The following MAST1 variants were observed in gnomAD, a reference collection of about 807,000 sequenced individuals.
MAST1 encodes microtubule-associated serine/threonine-protein kinase 1.
MAST1 carries 40 observed loss-of-function variants against 124.6 expected under a neutral mutation model. The ratio of observed to expected loss-of-function variants is 0.32; its 90% confidence interval spans 0.25 to 0.42. The LOEUF (loss-of-function observed/expected upper bound fraction) is 0.42, where lower values mean the gene tolerates loss of function less well. MAST1 is among the 10% of genes least tolerant of loss of function. MAST1 has a pLI of 1.00. For missense variants in MAST1, 1,558 were observed against 2,181.9 expected, an observed-to-expected ratio of 0.71 and a Z score of 5.70; for synonymous variants, 938 against 939.4, an observed-to-expected ratio of 1.00 and a Z score of 0.03.
chr19:12,874,341 A>G lies in MAST1; in HGVS notation c.4184A>G (p.Gln1395Arg), dbSNP rs1173845259. 6.3e-7 allele frequency: 1 copy of G among 1,597,622 alleles called. No homozygotes were observed. The highest frequency in any genetic ancestry group is 8.5e-7 in the Non-Finnish European group (1 of 1,178,470). Residue 1395 changes from glutamine (Q) to arginine (R), a missense_variant, in exon 26 of 26, where the codon CAG (glutamine) becomes CGG (arginine). Coordinates refer to ENST00000251472, the MANE Select transcript of MAST1 (RefSeq NM_014975.3). The surrounding 1 kb of genome is among the most constrained non-coding windows in gnomAD (Gnocchi z 6.6). Reference protein sequence around the residue: ...DVGCTRHQSVQTEDGTGGMAR... With the variant: ...DVGCTRHQSVRTEDGTGGMAR... ...GGCTGCACGCGGCATCAGAGCGTGC[A>G]GACGGAGGATGGCACTGGCGGGATG...
In MAST1 at chr19:12,865,757, G is replaced by T. The variant is rs1166713060; in HGVS notation, c.1845G>T (p.Thr615=). The T allele has an allele frequency of 6.2e-7, 1 of 1,613,784 alleles. No individual in the cohort carries two copies. ...LWPEGDEALP[T]EAQLLISSLL... ...CCGAGGGGGATGAGGCCCTACCTACGGAGGCCCAACTCCTCATATCCAGCC... is the reference window on the plus strand; with the variant it reads ...CCGAGGGGGATGAGGCCCTACCTACTGAGGCCCAACTCCTCATATCCAGCC... Residue 615 remains threonine, a synonymous_variant, in exon 16 of 26, where the codon ACG becomes ACT. Coordinates refer to ENST00000251472, the MANE Select transcript of MAST1 (RefSeq NM_014975.3). The surrounding 1 kb of genome is among the most constrained non-coding windows in gnomAD (Gnocchi z 7.1).
In MAST1 at chr19:12,865,593, G is replaced by C; in HGVS notation, c.1804+112G>C. On this transcript the variant is annotated intron_variant, in intron 15 of 25. Transcript: ENST00000251472. The surrounding 1 kb of genome is among the most constrained non-coding windows in gnomAD (Gnocchi z 7.1). ...CCCCCCAGAGGATCGCTTGCACTCA[G>C]GAGGTCAAGGCTGCAGTGAGCCATG... is the stretch of plus-strand genomic sequence containing the variant. The C allele has an allele frequency of 1.4e-6, 2 of 1,476,918 alleles. No homozygotes were observed. The highest frequency in any genetic ancestry group is 1.8e-6 in the Non-Finnish European group (2 of 1,088,236). 91.5% of individuals were successfully genotyped at this position (1,476,918 alleles called of 1,614,324 possible).
Position 12,852,188 on chromosome 19 carries a change from A to G in MAST1, c.950A>G (p.Lys317Arg), listed in dbSNP as rs544413051. 1.2e-6 allele frequency: 2 copies of G among 1,614,086 alleles called. No individual in the cohort carries two copies. ...CACGCCAAGGAGGGCCACCTTGTGA[A>G]GACGGACATCCCCCGCTACATCATC... ...EGHAKEGHLV[K>R]TDIPRYIIRQ... The change falls in exon 9 of 26, where the codon AAG (lysine) becomes AGG (arginine). Residue 317 changes from lysine to arginine, a missense_variant. This residue lies in a region of MAST1 where 136 missense variants were observed against 160.9 expected (regional missense o/e 0.85). Coordinates refer to ENST00000251472, the MANE Select transcript of MAST1 (RefSeq NM_014975.3).
chr19:12,857,982 G>A (rs1412555077), intron 10 of MAST1, among the ~76,000 whole-genome samples: 1 of 107,276 alleles, frequency 9.3e-6, no homozygotes, highest in East Asian at 3.2e-4. Context: ...ACTCCAGTCT[G>A]AATATCAGAG....
intron 12 of MAST1, among the ~76,000 whole-genome samples, chr19:12,859,516 A>G (rs531336645): frequency 2.1e-4 from 32 of 151,974 alleles, no homozygotes; most frequent in South Asian, 1.0e-3. Context: ...CCTCCCAAAT[A>G]CCTGGGATTA....
At position 12,843,622 on chromosome 19, in the gene MAST1, T is replaced by C; in HGVS notation, c.327+15T>C. On this transcript the variant is annotated intron_variant, in intron 4 of 25. Transcript: ENST00000251472. The surrounding 1 kb of genome is among the most constrained non-coding windows in gnomAD (Gnocchi z 4.9). Reference sequence around the variant, plus strand: ...CCACCGTCTCGGTGAGTGTGGAAAGTAGGTGGGTGGGCCGGTGGGTAAGGA... The same window carrying C: ...CCACCGTCTCGGTGAGTGTGGAAAGCAGGTGGGTGGGCCGGTGGGTAAGGA... The C allele has an allele frequency of 4.3e-6, 7 of 1,610,636 alleles. No homozygotes were observed. Among genetic ancestry groups the C allele is most frequent in the Non-Finnish European group, 5.9e-6 (7 of 1,178,414 alleles).
rs939030451 is a variant in MAST1, at chr19:12,867,716, C to T, written c.2319-14C>T. The T allele has an allele frequency of 5.2e-6, 8 of 1,532,492 alleles. No homozygotes were observed. In the African/African-American group the frequency reaches 8.3e-5, roughly 16 times the overall value. The allele number at this position is 1,532,492 out of a possible 1,614,324, so 94.9% of individuals were successfully genotyped here. Reference sequence around the variant, plus strand: ...AGGGGGCGTGTCTTCCATAACCACGCCCCCTCCATGCAGCAAGCGATTCTC... The same window carrying T: ...AGGGGGCGTGTCTTCCATAACCACGTCCCCTCCATGCAGCAAGCGATTCTC... On this transcript the variant is annotated splice_polypyrimidine_tract_variant and intron_variant, in intron 19 of 25. Coordinates refer to ENST00000251472, the MANE Select transcript of MAST1 (RefSeq NM_014975.3).
intron 12 of MAST1, among the ~76,000 whole-genome samples, chr19:12,861,431 G>A (rs1970081442): frequency 6.6e-6 from 1 of 152,168 alleles, no homozygotes; most frequent in Non-Finnish European, 1.5e-5. Flanking sequence ...CAGGCAGGGA[G>A]CTTCTCAGAG....
At chr19:12,849,103 T>G (rs1969931375) in intron 7 of MAST1, 1 of 152,644 alleles carries the variant, frequency 6.6e-6, no homozygotes, top group African/African-American at 2.4e-5. Flanking sequence ...TCTATCCTTC[T>G]CCAATGTCAG....
Position 12,873,257 on chromosome 19 carries a change from G to T in MAST1, c.3264-67G>T, listed in dbSNP as rs1000101908. 9 of 1,521,160 alleles carry T rather than the reference G, an allele frequency of 5.9e-6. No homozygotes were observed. In the South Asian group the frequency reaches 1.1e-4, roughly 18 times the overall value. 94.2% of individuals were successfully genotyped at this position (1,521,160 alleles called of 1,614,324 possible). A position where few individuals can be genotyped will look rare whatever the true frequency, so the allele number is the denominator to read the frequency against. ...TGGGTGGTTACCGTTGTGAGGCCGT[G>T]AAATGGGAGGAGCCCTGAGCTCTGG... On this transcript the variant is annotated intron_variant, in intron 24 of 25. Transcript: ENST00000251472.
chr19:12,870,968 C>A, intron 23 of MAST1, 22 bp downstream of exon 23: 1 of 1,613,506 alleles, frequency 6.2e-7, no homozygotes. Context: ...GAAGGAGGCA[C>A]CCTGGGCGGA....
At chr19:12,839,089 T>C (rs991488241) in intron 1 of MAST1, among the ~76,000 whole-genome samples, 1 of 145,202 alleles carries the variant, frequency 6.9e-6, no homozygotes, top group African/African-American at 2.6e-5. Context: ...CGGAGGGGCT[T>C]GGGGCTCCCT....
intron 3 of MAST1, among the ~76,000 whole-genome samples, chr19:12,842,106 T>G (rs1247298602): frequency 1.3e-5 from 2 of 152,152 alleles, no homozygotes; most frequent in Non-Finnish European, 2.9e-5. Flanking sequence ...GGCACGAGTC[T>G]GCGAATGTGA....
rs895974531 is a variant in MAST1 at position 12,864,888 on chromosome 19, G to A, written c.1446G>A (p.Val482=). The change falls in exon 13 of 26, where the codon GTG becomes GTA. Residue 482 remains valine (V), a synonymous_variant. Transcript: ENST00000251472. ...EMARMYFAET[V]LALEYLHNYG... ...CCCGCATGTACTTTGCTGAGACGGT[G>A]CTAGCCCTGGAGTATTTGCACAACT... The A allele has an allele frequency of 1.2e-6, 2 of 1,614,126 alleles. No homozygotes were observed. The highest frequency in any genetic ancestry group is 1.7e-6 in the Non-Finnish European group (2 of 1,180,032).
In MAST1 at chr19:12,858,742, G is replaced by A. The variant is rs1375782810; in HGVS notation, c.1366+3G>A. ...CATGGTCATGGAATATGTGGAAGGT[G>A]TGGCTGCCTGCGGGGCTGCAGGGAA... On this transcript the variant is annotated splice_donor_region_variant and intron_variant, in intron 12 of 25. Coordinates refer to ENST00000251472, the MANE Select transcript of MAST1 (RefSeq NM_014975.3). 6.2e-7 allele frequency: 1 copy of A among 1,614,112 alleles called. No individual in the cohort carries two copies. Among genetic ancestry groups the A allele is most frequent in the South Asian group, 1.1e-5 (1 of 91,074 alleles).
intron 24 of MAST1, among the ~76,000 whole-genome samples, chr19:12,872,179 G>C (rs1372088103): frequency 1.3e-5 from 2 of 152,168 alleles, no homozygotes; most frequent in African/African-American, 4.8e-5. Flanking sequence ...GCCAGGCAAG[G>C]TTCAGCCAAC....
At chr19:12,872,988 A>G (rs1445147641) in intron 24 of MAST1, among the ~76,000 whole-genome samples, 1 of 151,498 alleles carries the variant, frequency 6.6e-6, no homozygotes, top group Non-Finnish European at 1.5e-5. Flanking sequence ...CGGGGCCTGA[A>G]GTAGGAGGAG....
Position 12,867,961 on chromosome 19 carries a change from C to A in MAST1, c.2550C>A (p.Ala850=). The change falls in exon 20 of 26, where the codon GCC becomes GCA. Residue 850 remains alanine (A), a synonymous_variant. Transcript: ENST00000251472. ...EETQGEGTSS[A]GDSEATDRPR... is the part of the protein sequence containing the mutation. The stretch of plus-strand genomic sequence containing the variant: ...CTCAAGGGGAAGGCACCTCCAGCGC[C>A]GGGGACTCCGAGGCCAGTGAGTGCC... 6.4e-7 allele frequency: 1 copy of A among 1,554,940 alleles called. No individual in the cohort carries two copies. Among genetic ancestry groups the A allele is most frequent in the Non-Finnish European group, 8.7e-7 (1 of 1,153,440 alleles).
chr19:12,850,952 CTTTTTTT>C (rs201211037), intron 7 of MAST1, among the ~76,000 whole-genome samples: 1 of 137,576 alleles, frequency 7.3e-6, no homozygotes, highest in Non-Finnish European at 1.6e-5. Context: ...TTTTTCTTTT[CTTTTTTT>C]TTTTTTTTGA....
Sources: gnomAD v4.1 joint callset for allele counts (sites outside exome capture counted in the v4.1 genomes callset) on GRCh38, gnomAD v4.1.1 for gene constraint, gnomAD v4.1.1 regional missense constraint, Gnocchi (gnomAD v3.1) non-coding constraint, MANE v1.5 for transcripts, NCBI Gene and HGNC (gene_info 2026-07-23, HGNC 2026-07-21) for gene names.